Variants in TBL1X observed in about 807,000 individuals in gnomAD.
TBL1X encodes F-box-like/WD repeat-containing protein TBL1X.
A neutral mutation model predicts 50.7 loss-of-function variants in TBL1X; 10 were observed. The observed-to-expected ratio is 0.20, with a 90% CI of 0.12 to 0.33. TBL1X has a LOEUF of 0.33. Among genes scored for constraint, TBL1X ranks in the 10% least tolerant of loss-of-function variants. The pLI is 1.00. For missense variants in TBL1X, 340 were observed against 504.4 expected (o/e 0.67, Z 3.12); for synonymous variants, 190 against 214.7 (o/e 0.88, Z 1.01).
At chrX:9,600,672 G>T (rs149259897) in intron 2 of TBL1X, among the ~76,000 whole-genome samples, 2 of 111,213 alleles carry the variant, frequency 1.8e-5, no homozygotes, top group East Asian at 5.6e-4. Flanking sequence ...TGCTTTTCCC[G>T]AGGCCCGGGG....
At position 9,717,762 on chromosome X, in the gene TBL1X, A is replaced by G. The variant is rs946929982; in HGVS notation, c.*1516A>G. ...GCTGACATAGAGGCGCCCGCATGTC[A>G]CTTAGTCTAACGCTGACAGAAATGA... On this transcript the variant is annotated 3_prime_UTR_variant, in exon 18 of 18. Transcript: ENST00000645353. 8.9e-6 allele frequency: 1 copy of G among 112,257 alleles called. No individual in the cohort carries two copies. The allele number at this position is 112,257 out of a possible 1,213,427, so 9.3% of individuals were successfully genotyped here. A position where few individuals can be genotyped will look rare whatever the true frequency, so the allele number is the denominator to read the frequency against.
intron 2 of TBL1X, among the ~76,000 whole-genome samples, chrX:9,505,526 C>T (rs1340166090): frequency 1.8e-5 from 2 of 111,820 alleles, no homozygotes; most frequent in Non-Finnish European, 3.8e-5. Flanking sequence ...AGTCAAGACT[C>T]ATTGGTGTGC....
At chrX:9,475,679 AT>A (rs1259575812) in intron 1 of TBL1X, among the ~76,000 whole-genome samples, 1 of 111,131 alleles carries the variant, frequency 9.0e-6, no homozygotes, top group Non-Finnish European at 1.9e-5. Flanking sequence ...TCATCTCTAA[AT>A]TTAAGGTCTT....
chrX:9,522,013 CTTTTTTTTT>C (rs138830348), intron 2 of TBL1X, among the ~76,000 whole-genome samples: 2 of 88,103 alleles, frequency 2.3e-5, no homozygotes, highest in African/African-American at 8.5e-5. Context: ...TTCTTCGTTT[CTTTTTTTTT>C]TTTTTTTTTC....
intron 1 of TBL1X, among the ~76,000 whole-genome samples, chrX:9,471,029 T>G (rs1399866181): frequency 1.8e-5 from 2 of 112,748 alleles, no homozygotes; most frequent in Admixed American, 1.9e-4. Context: ...GTTATAGTCA[T>G]GGCTTTAGTT....
At chrX:9,567,854 C>T (rs2082359687) in intron 2 of TBL1X, among the ~76,000 whole-genome samples, 1 of 112,280 alleles carries the variant, frequency 8.9e-6, no homozygotes, top group Non-Finnish European at 1.9e-5. Context: ...TCAAGTGCCA[C>T]CTCCTCCATG....
chrX:9,585,335 T>TCCCCCCCCCCCCCCC (rs1191158873), intron 2 of TBL1X, among the ~76,000 whole-genome samples: 1 of 53,423 alleles, frequency 1.9e-5, no homozygotes, highest in Non-Finnish European at 3.4e-5. Context: ...GCCACCCCCC[T>TCCCCCCCCCCCCCCC]CCCCTCCCCC....
chrX:9,544,062 A>C (rs1367815319), intron 2 of TBL1X, among the ~76,000 whole-genome samples: 2 of 111,867 alleles, frequency 1.8e-5, no homozygotes, highest in African/African-American at 6.5e-5. Flanking sequence ...GGAGTTTTGC[A>C]AGGAGTTGGG....
intron 2 of TBL1X, among the ~76,000 whole-genome samples, chrX:9,623,364 T>C (rs759567429): frequency 5.4e-5 from 6 of 111,634 alleles, no homozygotes; most frequent in African/African-American, 1.3e-4. Context: ...GTATGGCCCA[T>C]GGAGTGGGAT....
intron 2 of TBL1X, among the ~76,000 whole-genome samples, chrX:9,610,544 A>G (rs1315105012): frequency 8.9e-6 from 1 of 111,934 alleles, no homozygotes; most frequent in Non-Finnish European, 1.9e-5. Flanking sequence ...CTGTCTTATG[A>G]TACACACAGG....
At chrX:9,521,799 C>T (rs1230759388) in intron 2 of TBL1X, among the ~76,000 whole-genome samples, 1 of 110,818 alleles carries the variant, frequency 9.0e-6, no homozygotes, top group African/African-American at 3.3e-5. Flanking sequence ...GTTTGAACTA[C>T]AAAAAGCAAG....
At chrX:9,661,043 T>A (rs1382010429) in intron 5 of TBL1X, among the ~76,000 whole-genome samples, 1 of 112,025 alleles carries the variant, frequency 8.9e-6, no homozygotes, top group Non-Finnish European at 1.9e-5. Context: ...ATCTGCCACA[T>A]GTTGATCGTG....
intron 5 of TBL1X, among the ~76,000 whole-genome samples, chrX:9,675,891 CAAAA>C (rs1175476577): frequency 3.4e-5 from 2 of 58,255 alleles, no homozygotes; most frequent in Non-Finnish European, 3.2e-5. Flanking sequence ...AACTCTGTCT[CAAAA>C]AAAAAAAAAA....
rs188096045 is a variant in TBL1X, at chrX:9,696,476, A to G, written c.1054-893A>G. Among the ~76,000 whole-genome samples the G allele has an allele frequency of 1.7e-3, 187 of 113,008 alleles. 1 individual carries two copies. The highest frequency in any genetic ancestry group is 5.8e-3 in the African/African-American group (181 of 31,156). ...TCCAGTTGATGAAGACGTAACTCCA[A>G]TGCTATTCATTGAGCTGGTTCTCTA... On this transcript the variant is annotated intron_variant, in intron 11 of 17. Coordinates refer to ENST00000645353, the MANE Select transcript of TBL1X (RefSeq NM_005647.4).
At chrX:9,566,341 G>T (rs1412160984) in intron 2 of TBL1X, among the ~76,000 whole-genome samples, 1 of 111,892 alleles carries the variant, frequency 8.9e-6, no homozygotes, top group East Asian at 2.8e-4. Flanking sequence ...TGTTTTGAAG[G>T]ATTTTTAAAT....
At chrX:9,684,598 T>TAAAAAAAACAA (rs2083045501) in intron 6 of TBL1X, among the ~76,000 whole-genome samples, 2 of 51,286 alleles carry the variant, frequency 3.9e-5, no homozygotes, top group Non-Finnish European at 6.3e-5. Flanking sequence ...TCTCTAAAAT[T>TAAAAAAAACAA]AAAAAAAAAA....
chrX:9,506,168 C>T (rs919804455), intron 2 of TBL1X, among the ~76,000 whole-genome samples: 5 of 111,921 alleles, frequency 4.5e-5, no homozygotes, highest in African/African-American at 1.3e-4. Flanking sequence ...CACATAATTT[C>T]GTGGAAATTG....
chrX:9,493,461 A>ATCTT (rs1410475969), intron 1 of TBL1X, among the ~76,000 whole-genome samples: 1 of 111,936 alleles, frequency 8.9e-6, no homozygotes, highest in Non-Finnish European at 1.9e-5. Flanking sequence ...CCTGGATTAA[A>ATCTT]TCAAAGGACA....
chrX:9,467,160 A>C (rs1307126964), intron 1 of TBL1X, among the ~76,000 whole-genome samples: 1 of 112,648 alleles, frequency 8.9e-6, no homozygotes, highest in Admixed American at 9.3e-5. Context: ...CTGGTTCTGT[A>C]CAACATCATC....
Sources: allele counts gnomAD v4.1 joint callset (sites outside exome capture counted in the v4.1 genomes callset), GRCh38; gene constraint gnomAD v4.1.1; transcripts MANE v1.5; gene names NCBI Gene and HGNC (gene_info 2026-07-23, HGNC 2026-07-21).